BACC1: variants seen among roughly 807,000 people sequenced by gnomAD.
BACC1 encodes the protein BPTF-associated chromatin complex component 1.
At chr17:7,016,467 T>TTC in the BACC1 span, 3 of 1,607,768 alleles carry the variant, frequency 1.9e-6, no homozygotes, top group Non-Finnish European at 2.5e-6. Context: ...GATGACTCCT[T>TTC]TCCTAACCTC....
chr17:7,016,433 G>C, the BACC1 span: 1 of 1,554,356 alleles, frequency 6.4e-7, no homozygotes, highest in Non-Finnish European at 8.7e-7. Context: ...TTCCCCTCCC[G>C]TCCCCTCTTC....
At chr17:7,014,817 A>AGCGGCG in the BACC1 span, 20 of 1,525,064 alleles carry the variant, frequency 1.3e-5, no homozygotes, top group South Asian at 3.6e-5. This position sits in a 1 kb window ranked among gnomAD's most constrained non-coding sequence, Gnocchi z 4.5. Context: ...GCTCGCGTGT[A>AGCGGCG]GCGGCGGCGG....
chr17:7,015,502 G>T, the BACC1 span: 2 of 1,378,684 alleles, frequency 1.5e-6, no homozygotes, highest in Non-Finnish European at 1.9e-6. Flanking sequence ...GTTGGTTTCA[G>T]TGTGCTGTGT....
At chr17:7,015,084 C>G in the BACC1 span, 1 of 1,563,432 alleles carries the variant, frequency 6.4e-7, no homozygotes. Context: ...TTCTCGGCGG[C>G]CGGCGCCGCC....
chr17:7,014,887 TC>T, the BACC1 span: 1 of 1,525,648 alleles, frequency 6.6e-7, no homozygotes, highest in Non-Finnish European at 8.8e-7. This position sits in a 1 kb window ranked among gnomAD's most constrained non-coding sequence, Gnocchi z 4.5. Flanking sequence ...AGGTTCGACC[TC>T]CCTCGCGGAC....
chr17:7,016,917 A>C, the BACC1 span: 1 of 1,613,540 alleles, frequency 6.2e-7, no homozygotes, highest in Non-Finnish European at 8.5e-7. Context: ...CAGATGTGAC[A>C]CTCAGTGCTC....
At chr17:7,015,619 T>A in the BACC1 span, 1 of 1,334,562 alleles carries the variant, frequency 7.5e-7, no homozygotes, top group Non-Finnish European at 1.0e-6. Flanking sequence ...TCAAGAGCTT[T>A]CCGCCTCCCC....
the BACC1 span, chr17:7,015,763 C>T: frequency 6.2e-7 from 1 of 1,612,184 alleles, no homozygotes. Context: ...CCCCCTCTCC[C>T]CTTCTGACAG....
At chr17:7,017,427 C>T in the BACC1 span, 1 of 1,044,590 alleles carries the variant, frequency 9.6e-7, no homozygotes, top group Non-Finnish European at 1.5e-6. Flanking sequence ...GGGGCTGCCA[C>T]CTCGCTATTC....
At chr17:7,016,247 C>G in the BACC1 span, 1 of 546,116 alleles carries the variant, frequency 1.8e-6, no homozygotes, top group Non-Finnish European at 3.2e-6. Context: ...CAAGCTCTAC[C>G]TGATGTCTCT....
chr17:7,016,387 C>T, the BACC1 span: 11 of 1,305,108 alleles, frequency 8.4e-6, no homozygotes, highest in East Asian at 4.7e-5. Flanking sequence ...GTTGGGGCCC[C>T]GACCTGGATT....
At chr17:7,015,014 G>C in the BACC1 span, 4 of 1,401,850 alleles carry the variant, frequency 2.9e-6, no homozygotes, top group Non-Finnish European at 2.8e-6. Flanking sequence ...CTCCGGGCGG[G>C]ACGGGGAGGG....
At chr17:7,017,350 A>G in the BACC1 span, 1 of 1,586,306 alleles carries the variant, frequency 6.3e-7, no homozygotes, top group Non-Finnish European at 8.7e-7. Context: ...CTCACTGTTC[A>G]TGCCGGACCT....
At chr17:7,015,698 G>A in the BACC1 span, 10 of 1,453,740 alleles carry the variant, frequency 6.9e-6, no homozygotes, top group Admixed American at 1.8e-4. Flanking sequence ...CTGGTTGGCT[G>A]TGGGATGCAT....
the BACC1 span, chr17:7,016,375 G>C: frequency 2.8e-6 from 3 of 1,082,872 alleles, no homozygotes; most frequent in African/African-American, 1.6e-5. Flanking sequence ...CCCTACCAAT[G>C]GGTTGGGGCC....
the BACC1 span, chr17:7,015,719 C>G: frequency 6.6e-7 from 1 of 1,514,940 alleles, no homozygotes; most frequent in Non-Finnish European, 9.1e-7. Context: ...AGCCTGTGGG[C>G]GGGCTCCACA....
the BACC1 span, chr17:7,015,791 C>T: frequency 6.2e-7 from 1 of 1,613,766 alleles, no homozygotes; most frequent in African/African-American, 1.3e-5. Context: ...TGGACGGAGA[C>T]GGAAATAGAG....
chr17:7,014,786 T>C, the BACC1 span: 25 of 1,515,896 alleles, frequency 1.6e-5, no homozygotes, highest in African/African-American at 2.1e-4. This position sits in a 1 kb window ranked among gnomAD's most constrained non-coding sequence, Gnocchi z 4.5. Context: ...CCGCTCAGTC[T>C]CCCTGCTCTC....
the BACC1 span, chr17:7,015,238 G>A: frequency 1.0e-5 from 15 of 1,456,500 alleles, no homozygotes; most frequent in Middle Eastern, 2.2e-4. Flanking sequence ...TCTAGCACAG[G>A]GACAGACATT....
Sources: allele counts gnomAD v4.1 joint callset, GRCh38; gene constraint gnomAD v4.1.1; non-coding constraint Gnocchi (gnomAD v3.1); transcripts MANE v1.5; gene names NCBI Gene and HGNC (gene_info 2026-07-23, HGNC 2026-07-21).